The following SNTG1 variants were observed in gnomAD, a reference collection of about 807,000 sequenced individuals.
SNTG1 encodes the protein syntrophin gamma 1.
SNTG1 carries 39 observed loss-of-function variants against 74.7 expected under a neutral mutation model. That is an observed-to-expected ratio of 0.52 (90% CI 0.40 to 0.68). SNTG1 has a LOEUF of 0.68. Ranked by LOEUF, SNTG1 falls within the 30% of genes least tolerant of loss-of-function variation. The probability of loss-of-function intolerance (pLI) is 0.00; values close to 1 mark genes in which losing one functional copy is unlikely to be tolerated. For synonymous variants in SNTG1, 254 were observed against 217.1 expected (o/e 1.17, Z -1.49); for missense variants, 685 against 609.5 (o/e 1.12, Z -1.30).
At chr8:49,923,793 G>T (rs1258741223) in intron 1 of SNTG1, among the ~76,000 whole-genome samples, 1 of 152,102 alleles carries the variant, frequency 6.6e-6, no homozygotes, top group Non-Finnish European at 1.5e-5. Flanking sequence ...AAGAGTTTGT[G>T]AGCTGTATGG....
At chr8:50,067,864 G>T (rs2130981588) in intron 1 of SNTG1, among the ~76,000 whole-genome samples, 1 of 152,244 alleles carries the variant, frequency 6.6e-6, no homozygotes, top group South Asian at 2.1e-4. Context: ...GCCTGCTGGG[G>T]CCTGTTGCAG....
intron 2 of SNTG1, among the ~76,000 whole-genome samples, chr8:50,190,588 A>G (rs747078191): frequency 6.6e-6 from 1 of 152,090 alleles, no homozygotes; most frequent in South Asian, 2.1e-4. Flanking sequence ...GTTCTTTTCT[A>G]CTTGAATACC....
At position 50,569,199 on chromosome 8, in the gene SNTG1, C is replaced by A. The variant is rs149395986; in HGVS notation, c.810+16020C>A. Among the ~76,000 whole-genome samples the A allele has an allele frequency of 4.6e-4, 70 of 152,254 alleles. 1 individual carries two copies. The highest frequency in any genetic ancestry group is 2.4e-3 in the Admixed American group (37 of 15,296). On this transcript the variant is annotated intron_variant, in intron 12 of 18. Transcript: ENST00000642720. Reference sequence around the variant, plus strand: ...GTGAATAGCTTCTGGATCAGTCAGTCAGTAGTATTTACCACATTGCTTAAT... The same window carrying A: ...GTGAATAGCTTCTGGATCAGTCAGTAAGTAGTATTTACCACATTGCTTAAT...
chr8:50,398,713 G>A (rs1212827785), intron 3 of SNTG1, among the ~76,000 whole-genome samples: 1 of 152,180 alleles, frequency 6.6e-6, no homozygotes, highest in Admixed American at 6.5e-5. Flanking sequence ...GATCACCTGA[G>A]GTCAGGCGTT....
intron 2 of SNTG1, among the ~76,000 whole-genome samples, chr8:50,190,146 G>A (rs557884008): frequency 1.6e-4 from 25 of 152,186 alleles, no homozygotes; most frequent in South Asian, 1.0e-3. Context: ...AGATGGATAC[G>A]GTATAATTCA....
chr8:50,549,032 C>T (rs979691555), intron 11 of SNTG1, among the ~76,000 whole-genome samples: 18 of 152,034 alleles, frequency 1.2e-4, no homozygotes, highest in Non-Finnish European at 2.9e-5. Context: ...GCATCTCAGA[C>T]AAAGGAGTAC....
At chr8:50,132,075 C>G (rs560291445) in intron 1 of SNTG1, among the ~76,000 whole-genome samples, 2 of 152,084 alleles carry the variant, frequency 1.3e-5, no homozygotes, top group African/African-American at 2.4e-5. Context: ...GTTTTGATTA[C>G]TGCAGCTTTG....
At chr8:50,266,097 A>G (rs1169708667) in intron 2 of SNTG1, among the ~76,000 whole-genome samples, 2 of 151,784 alleles carry the variant, frequency 1.3e-5, no homozygotes, top group African/African-American at 4.8e-5. Context: ...GCTAATATTC[A>G]TGTGGAAATG....
chr8:50,488,221 GTT>G (rs112139101), intron 8 of SNTG1, among the ~76,000 whole-genome samples: 1 of 151,752 alleles, frequency 6.6e-6, no homozygotes, highest in African/African-American at 2.4e-5. Context: ...AGTAAAATAG[GTT>G]TTTTTTAAGA....
intron 2 of SNTG1, among the ~76,000 whole-genome samples, chr8:50,351,842 A>C (rs1219796443): frequency 6.6e-6 from 1 of 152,202 alleles, no homozygotes. Flanking sequence ...AAGTTACTTG[A>C]TGATCTTTGG....
At chr8:50,089,735 A>G (rs955796621) in intron 1 of SNTG1, among the ~76,000 whole-genome samples, 9 of 152,192 alleles carry the variant, frequency 5.9e-5, no homozygotes, top group African/African-American at 7.2e-5. Context: ...TAGAATGGCA[A>G]TCATTAAAAA....
In SNTG1 at chr8:50,530,472, G is replaced by A. The variant is rs190473230; in HGVS notation, c.549+213G>A. 2.6e-5 allele frequency among the ~76,000 whole-genome samples: 4 copies of A among 152,216 alleles called. No homozygotes were observed. The East Asian group carries it at 7.7e-4, about 29-fold the overall frequency. ...TCTGTATGGATTAAGTTCTTTTGAA[G>A]CAATAGATACTATTAACTTGGGGAT... On this transcript the variant is annotated intron_variant, in intron 10 of 18. Coordinates refer to ENST00000642720, the MANE Select transcript of SNTG1 (RefSeq NM_018967.5).
intron 9 of SNTG1, among the ~76,000 whole-genome samples, chr8:50,510,864 C>A (rs2094065224): frequency 6.6e-6 from 1 of 152,074 alleles, no homozygotes. Flanking sequence ...TTCAAAAAAC[C>A]AGCTCCTGGA....
intron 18 of SNTG1, among the ~76,000 whole-genome samples, chr8:50,772,120 G>A (rs2095628710): frequency 6.6e-6 from 1 of 151,922 alleles, no homozygotes; most frequent in Admixed American, 6.6e-5. Context: ...TGAGCTACTG[G>A]GGCCACCATT....
chr8:50,321,317 G>A (rs571140935), intron 2 of SNTG1, among the ~76,000 whole-genome samples: 1 of 152,024 alleles, frequency 6.6e-6, no homozygotes, highest in South Asian at 2.1e-4. Context: ...GTTTTATCTT[G>A]AAATCTATTT....
chr8:50,628,248 G>A (rs2094970385), intron 13 of SNTG1, among the ~76,000 whole-genome samples: 1 of 151,764 alleles, frequency 6.6e-6, no homozygotes, highest in African/African-American at 2.4e-5. Flanking sequence ...TGACCTGGCT[G>A]ACTAAAAGAG....
At chr8:50,520,499 C>T (rs1007463933) in intron 9 of SNTG1, among the ~76,000 whole-genome samples, 9 of 152,080 alleles carry the variant, frequency 5.9e-5, no homozygotes, top group Admixed American at 3.3e-4. Flanking sequence ...TCAGAGTGAA[C>T]AGGCAACCTA....
chr8:50,406,987 C>T (rs894325173), intron 4 of SNTG1, among the ~76,000 whole-genome samples: 1 of 152,114 alleles, frequency 6.6e-6, no homozygotes, highest in African/African-American at 2.4e-5. Context: ...GAGAAAAACT[C>T]CCTTTGTCTG....
At chr8:50,007,826 G>A (rs1352362000) in intron 1 of SNTG1, among the ~76,000 whole-genome samples, 2 of 152,034 alleles carry the variant, frequency 1.3e-5, no homozygotes, top group Admixed American at 1.3e-4. Flanking sequence ...TTAAAAAAAA[G>A]GTTTAATTGA....
Sources: gnomAD v4.1 joint callset for allele counts (sites outside exome capture counted in the v4.1 genomes callset) on GRCh38, gnomAD v4.1.1 for gene constraint, MANE v1.5 for transcripts, NCBI Gene and HGNC (gene_info 2026-07-23, HGNC 2026-07-21) for gene names.